Variants in EEF2K observed in about 807,000 individuals in gnomAD.
The protein encoded by EEF2K is eukaryotic elongation factor 2 kinase, also known as alternative protein EEF2K.
In EEF2K, 70 loss-of-function variants were observed where a neutral mutation model predicts 93.8. The ratio of observed to expected loss-of-function variants is 0.75; its 90% CI spans 0.62 to 0.91. The LOEUF is 0.91. EEF2K is among the 40% of genes least tolerant of loss of function. The pLI is 0.00. For synonymous variants in EEF2K, 376 were observed against 380.8 expected (o/e 0.99, Z 0.15); for missense variants, 935 against 972.9 (o/e 0.96, Z 0.52).
intron 12 of EEF2K, among the ~76,000 whole-genome samples, chr16:22,264,016 G>GGGCGTGGT (rs2047492127): frequency 6.6e-6 from 1 of 152,092 alleles, no homozygotes; most frequent in Non-Finnish European, 1.5e-5. Context: ...CATGCTGGCC[G>GGGCGTGGT]GGCGTGGTGG....
intron 2 of EEF2K, among the ~76,000 whole-genome samples, chr16:22,230,762 T>G (rs962342987): frequency 6.6e-6 from 1 of 152,186 alleles, no homozygotes; most frequent in Admixed American, 6.6e-5. Flanking sequence ...AAGATGATTC[T>G]ATGTGATTTG....
chr16:22,241,331 G>A (rs143860052), intron 2 of EEF2K, among the ~76,000 whole-genome samples: 300 of 152,102 alleles, frequency 2.0e-3, no homozygotes, highest in African/African-American at 6.4e-3. Flanking sequence ...ATATTTTATG[G>A]TATGATACCA....
chr16:22,275,376 T>C (rs2047624547), intron 16 of EEF2K, among the ~76,000 whole-genome samples: 1 of 152,138 alleles, frequency 6.6e-6, no homozygotes, highest in Non-Finnish European at 1.5e-5. Context: ...GGACTCTCAC[T>C]CTGTCAAACA....
At chr16:22,232,528 C>T (rs1330229218) in intron 2 of EEF2K, among the ~76,000 whole-genome samples, 1 of 152,188 alleles carries the variant, frequency 6.6e-6, no homozygotes, top group Non-Finnish European at 1.5e-5. Context: ...TTGAGCCTGG[C>T]CCAGAGCCCA....
intron 2 of EEF2K, among the ~76,000 whole-genome samples, chr16:22,234,363 C>A (rs1035451787): frequency 1.2e-4 from 19 of 152,102 alleles, no homozygotes; most frequent in African/African-American, 4.6e-4. Context: ...TGGAGACCAG[C>A]CTGACCAATA....
chr16:22,212,163 C>T (rs2046920745), intron 1 of EEF2K, among the ~76,000 whole-genome samples: 1 of 152,100 alleles, frequency 6.6e-6, no homozygotes, highest in Admixed American at 6.6e-5. Flanking sequence ...TTTCAGATTC[C>T]TGAAACAATA....
chr16:22,242,883 G>T (rs537004711), intron 2 of EEF2K, among the ~76,000 whole-genome samples: 2 of 152,090 alleles, frequency 1.3e-5, no homozygotes, highest in South Asian at 4.2e-4. Context: ...ATCGCTTGAA[G>T]TTCAAGACCA....
chr16:22,220,873 G>A (rs2047005415), intron 1 of EEF2K, among the ~76,000 whole-genome samples: 1 of 152,222 alleles, frequency 6.6e-6, no homozygotes, highest in Non-Finnish European at 1.5e-5. Context: ...CCTGCTGGCA[G>A]CTCCTGGCAC....
chr16:22,248,846 G>C (rs2047320731), intron 4 of EEF2K, 31 bp downstream of exon 4: 2 of 1,606,964 alleles, frequency 1.2e-6, no homozygotes, highest in Middle Eastern at 1.6e-4. Context: ...CGTGGGGACA[G>C]GGCTGAGCAA....
chr16:22,281,247 C>G (rs934660245), intron 17 of EEF2K, among the ~76,000 whole-genome samples: 2 of 151,986 alleles, frequency 1.3e-5, no homozygotes, highest in African/African-American at 4.8e-5. Flanking sequence ...TTCTTTCTTT[C>G]TTTTTTCTTT....
rs745720178 is a variant in EEF2K, at chr16:22,280,253, G to T, written c.1945G>T (p.Asp649Tyr). 6.2e-7 allele frequency: 1 copy of T among 1,603,480 alleles called. No individual in the cohort carries two copies. The highest frequency in any genetic ancestry group is 1.7e-5 in the Admixed American group (1 of 58,472). Reference sequence around the variant, plus strand: ...GTACAACACTGCCCTGGAGATGACGGACTGTGATGAGGGCGGTGAGTACGA... The same window carrying T: ...GTACAACACTGCCCTGGAGATGACGTACTGTGATGAGGGCGGTGAGTACGA... Reference protein sequence around the residue: ...HWYNTALEMTDCDEGGEYDGM... With the variant: ...HWYNTALEMTYCDEGGEYDGM... The change falls in exon 17 of 18, where the codon GAC becomes TAC. Residue 649 changes from aspartate (D) to tyrosine (Y), a missense_variant. Transcript: ENST00000263026.
At chr16:22,269,374 C>T (rs1216512439) in intron 15 of EEF2K, among the ~76,000 whole-genome samples, 1 of 152,052 alleles carries the variant, frequency 6.6e-6, no homozygotes, top group Non-Finnish European at 1.5e-5. Context: ...GGATTTAGGG[C>T]CCACCTAACA....
In EEF2K at chr16:22,266,718, G is replaced by C; in HGVS notation, c.1606G>C (p.Gly536Arg). ...TCTGGCCATGGTGCGCTACCACGAG[G>C]GTGGGCGCTTCTGCGAGAAGGGCGA... ...VHLAMVRYHE[G>R]GRFCEKGEEW... Residue 536 changes from glycine (G) to arginine (R), a missense_variant, in exon 15 of 18, where the codon GGT becomes CGT. Coordinates refer to ENST00000263026, the MANE Select transcript of EEF2K (RefSeq NM_013302.5). 16 of 1,613,460 alleles carry C rather than the reference G, an allele frequency of 9.9e-6. No homozygotes were observed. Among genetic ancestry groups the C allele is most frequent in the African/African-American group, 1.3e-5 (1 of 75,068 alleles).
intron 2 of EEF2K, among the ~76,000 whole-genome samples, chr16:22,233,294 C>G (rs554516977): frequency 6.8e-4 from 104 of 152,268 alleles, no homozygotes; most frequent in African/African-American, 2.3e-3. Flanking sequence ...TTCCTTTTCT[C>G]CTTCTCTGTC....
chr16:22,243,344 T>C (rs1048750161), intron 2 of EEF2K, among the ~76,000 whole-genome samples: 3 of 150,208 alleles, frequency 2.0e-5, no homozygotes, highest in Non-Finnish European at 4.4e-5. Context: ...CTCTGCCTCC[T>C]GGGTTCAAGC....
intron 2 of EEF2K, among the ~76,000 whole-genome samples, chr16:22,238,640 A>C (rs2047191491): frequency 7.3e-6 from 1 of 136,780 alleles, no homozygotes; most frequent in African/African-American, 2.8e-5. Flanking sequence ...AGTAATAAAT[A>C]CCTGGTCTCA....
chr16:22,255,737 C>T (rs1309223719), intron 6 of EEF2K, among the ~76,000 whole-genome samples: 10 of 151,876 alleles, frequency 6.6e-5, no homozygotes, highest in Non-Finnish European at 1.3e-4. Context: ...AGTGAGACCT[C>T]GTCTCTATAA....
At chr16:22,215,641 G>A (rs1371024583) in intron 1 of EEF2K, among the ~76,000 whole-genome samples, 2 of 152,084 alleles carry the variant, frequency 1.3e-5, no homozygotes. Context: ...TAAACACTGA[G>A]CAGCCAGACA....
chr16:22,250,793 GC>G (rs1464377526), intron 5 of EEF2K, 102 bp downstream of exon 5: 35 of 1,475,802 alleles, frequency 2.4e-5, no homozygotes, highest in Non-Finnish European at 3.2e-5. Flanking sequence ...GGAGCCAGGG[GC>G]CTCTGCCTTC....
Sources: allele counts gnomAD v4.1 joint callset (sites outside exome capture counted in the v4.1 genomes callset), GRCh38; gene constraint gnomAD v4.1.1; transcripts MANE v1.5; gene names NCBI Gene and HGNC (gene_info 2026-07-23, HGNC 2026-07-21).